GNG2: variants seen among roughly 807,000 people sequenced by gnomAD.
GNG2 encodes guanine nucleotide-binding protein G(I)/G(S)/G(O) subunit gamma-2.
A neutral mutation model predicts 5.5 loss-of-function variants in GNG2; 5 were observed. The observed-to-expected ratio is 0.91, with a 90% CI of 0.48 to 1.92. GNG2 has a LOEUF of 1.92. Among genes scored for constraint, GNG2 ranks in the 30% most tolerant of loss-of-function variants. The probability of loss-of-function intolerance (pLI) is 0.01; values close to 1 mark genes in which losing one functional copy is unlikely to be tolerated. For missense variants in GNG2, 55 were observed against 88.4 expected, an observed-to-expected ratio of 0.62 and a Z score of 1.52; for synonymous variants, 28 against 32.0, an observed-to-expected ratio of 0.88 and a Z score of 0.42.
chr14:51,876,915 C>T (rs901552768), intron 1 of GNG2, among the ~76,000 whole-genome samples: 3 of 152,140 alleles, frequency 2.0e-5, no homozygotes, highest in Admixed American at 6.5e-5. Flanking sequence ...TTAGCAATTC[C>T]CTTTGAGCTG....
At chr14:51,872,310 T>TTGTGTGTGTGTG (rs35147124) in intron 1 of GNG2, among the ~76,000 whole-genome samples, 1,864 of 149,966 alleles carry the variant, frequency 0.012, 35 homozygotes, top group African/African-American at 0.044. Context: ...AATGACTATT[T>TTGTGTGTGTGTG]TGTGTGTGTG....
chr14:51,897,640 A>G (rs1040608298), intron 2 of GNG2, among the ~76,000 whole-genome samples: 1 of 152,180 alleles, frequency 6.6e-6, no homozygotes, highest in African/African-American at 2.4e-5. Context: ...CCCATGTTTA[A>G]TGTTGCCTTC....
intron 3 of GNG2, among the ~76,000 whole-genome samples, chr14:51,952,737 A>G (rs369143963): frequency 6.6e-6 from 1 of 152,222 alleles, no homozygotes; most frequent in Non-Finnish European, 1.5e-5. Flanking sequence ...GACTTTTATC[A>G]TCCCTCACCT....
chr14:51,828,650 C>T (rs552826614), intron 2 of GNG2, among the ~76,000 whole-genome samples: 16 of 152,242 alleles, frequency 1.1e-4, no homozygotes, highest in South Asian at 4.1e-4. Context: ...GGCATCCTAA[C>T]GGCCACAAGA....
intron 2 of GNG2, among the ~76,000 whole-genome samples, chr14:51,851,312 C>G (rs1881898763): frequency 6.6e-6 from 1 of 152,234 alleles, no homozygotes; most frequent in South Asian, 2.1e-4. Flanking sequence ...AAAATCTACA[C>G]AGAAATCTTC....
At chr14:51,828,395 A>G (rs932670783) in intron 2 of GNG2, among the ~76,000 whole-genome samples, 3 of 152,252 alleles carry the variant, frequency 2.0e-5, no homozygotes, top group Admixed American at 6.5e-5. Flanking sequence ...CATAAAGGAA[A>G]GCAGGACCAG....
chr14:51,880,369 A>C (rs892114837), intron 2 of GNG2, among the ~76,000 whole-genome samples: 5 of 152,204 alleles, frequency 3.3e-5, no homozygotes, highest in African/African-American at 9.7e-5. Flanking sequence ...AAAATAACAT[A>C]ATAATACAGA....
intron 2 of GNG2, among the ~76,000 whole-genome samples, chr14:51,911,976 C>A (rs1339650611): frequency 2.7e-5 from 4 of 148,042 alleles, no homozygotes; most frequent in African/African-American, 1.0e-4. Context: ...TAGTGTCAGG[C>A]ACTGTTCTAG....
intron 2 of GNG2, among the ~76,000 whole-genome samples, chr14:51,918,326 G>A (rs1886780906): frequency 6.6e-6 from 1 of 151,818 alleles, no homozygotes; most frequent in Non-Finnish European, 1.5e-5. Context: ...TTGTCCTCAT[G>A]TAGACATGAG....
rs370027824 is a variant in GNG2, at chr14:51,840,949, G to A, written c.64+13142G>A. On this transcript the variant is annotated intron_variant, in intron 2 of 3. Transcript: ENST00000553432. ...ACAATGTACTACCTTTTACCACAGC[G>A]AATCTAGATTAATTGGAGTCTTCAC... Among the ~76,000 whole-genome samples the A allele has an allele frequency of 1.5e-4, 23 of 152,260 alleles. No homozygotes were observed. The South Asian group carries it at 4.6e-3, about 30-fold the overall frequency.
rs1163847070 is a variant in GNG2, at chr14:51,968,904, T to C, written c.*2217T>C. ...ATATTTCCATGTAAATCTAGATCTT[T>C]GGAGCAATTAAGATGGAATTACAAT... On this transcript the variant is annotated 3_prime_UTR_variant, in exon 4 of 4. Coordinates refer to ENST00000556766, the MANE Select transcript of GNG2 (RefSeq NM_053064.5). The C allele has an allele frequency of 6.6e-6, 1 of 152,210 alleles. No homozygotes were observed. The highest frequency in any genetic ancestry group is 6.5e-5 in the Admixed American group (1 of 15,288). 9.4% of individuals were successfully genotyped at this position (152,210 alleles called of 1,614,324 possible).
intron 2 of GNG2, among the ~76,000 whole-genome samples, chr14:51,894,269 A>C (rs999027096): frequency 2.0e-5 from 3 of 152,134 alleles, no homozygotes; most frequent in Non-Finnish European, 4.4e-5. Flanking sequence ...ATTTCTCGAT[A>C]TATAAAGATT....
rs1418220764 is a variant in GNG2, at chr14:51,967,772, A to G, written c.*1085A>G. On this transcript the variant is annotated 3_prime_UTR_variant, in exon 4 of 4. Coordinates refer to ENST00000556766, the MANE Select transcript of GNG2 (RefSeq NM_053064.5). ...ATGCTTTTGCCATGAGTATGAGCAA[A>G]TTCCCTCTTTCCCTGAATCATGGAC... The G allele has an allele frequency of 6.6e-6, 1 of 152,012 alleles. No homozygotes were observed. Among genetic ancestry groups the G allele is most frequent in the African/African-American group, 2.4e-5 (1 of 41,360 alleles). 9.4% of individuals were successfully genotyped at this position (152,012 alleles called of 1,614,324 possible).
At chr14:51,945,403 CATT>C (rs1257696697) in intron 2 of GNG2, among the ~76,000 whole-genome samples, 2 of 152,124 alleles carry the variant, frequency 1.3e-5, no homozygotes, top group African/African-American at 4.8e-5. Flanking sequence ...ACCTTAGAGA[CATT>C]ATGCTAAGTG....
rs146127494 is a variant in GNG2, at chr14:51,833,026, A to C, written c.64+5219A>C. ...TATTTTGCCTTTCAGAGATTGGAAA[A>C]ATTTTCTCAACCTTACAACTCATTT... On this transcript the variant is annotated intron_variant, in intron 2 of 3. Transcript: ENST00000553432. 9.9e-5 allele frequency among the ~76,000 whole-genome samples: 15 copies of C among 152,256 alleles called. No individual in the cohort carries two copies. The East Asian group carries it at 2.5e-3, about 25-fold the overall frequency.
At chr14:51,949,315 C>T (rs748664555) in intron 2 of GNG2, among the ~76,000 whole-genome samples, 3 of 147,196 alleles carry the variant, frequency 2.0e-5, no homozygotes, top group Non-Finnish European at 4.4e-5. Context: ...AAATAACTAC[C>T]AAAAGAGATA....
intron 2 of GNG2, among the ~76,000 whole-genome samples, chr14:51,949,880 G>A (rs1036776206): frequency 1.3e-5 from 2 of 152,102 alleles, no homozygotes; most frequent in African/African-American, 2.4e-5. Context: ...TGAAGGGGGA[G>A]GGGAGCACAC....
intron 2 of GNG2, among the ~76,000 whole-genome samples, chr14:51,832,464 T>G (rs746062571): frequency 6.6e-6 from 1 of 152,256 alleles, no homozygotes; most frequent in Admixed American, 6.5e-5. Flanking sequence ...TTTTCTACTT[T>G]AGAAATAATT....
intron 1 of GNG2, among the ~76,000 whole-genome samples, chr14:51,874,621 A>G (rs1883536772): frequency 6.6e-6 from 1 of 151,826 alleles, no homozygotes; most frequent in Admixed American, 6.6e-5. Context: ...GGTCCCAGCT[A>G]CTACTTGGGA....
Sources: allele counts gnomAD v4.1 joint callset (sites outside exome capture counted in the v4.1 genomes callset), GRCh38; gene constraint gnomAD v4.1.1; transcripts MANE v1.5; gene names NCBI Gene and HGNC (gene_info 2026-07-23, HGNC 2026-07-21).